Variants in FOXP2 observed in about 807,000 individuals in gnomAD.
FOXP2 encodes forkhead box P2.
FOXP2 carries 12 observed loss-of-function variants against 115.8 expected under a neutral mutation model. The ratio of observed to expected loss-of-function variants is 0.10; its 90% CI spans 0.07 to 0.17. The LOEUF is 0.17. Among genes scored for constraint, FOXP2 ranks in the 10% least tolerant of loss-of-function variants. The pLI is 1.00. For synonymous variants in FOXP2, 328 were observed against 297.7 expected, an observed-to-expected ratio of 1.10 and a Z score of -1.05; for missense variants, 629 against 843.5, an observed-to-expected ratio of 0.75 and a Z score of 3.15.
intron 3 of FOXP2, among the ~76,000 whole-genome samples, chr7:114,617,346 A>G (rs1342199546): frequency 6.6e-6 from 1 of 152,098 alleles, no homozygotes; most frequent in Middle Eastern, 3.2e-3. Context: ...CATCTCTCAA[A>G]TGCTCCCTTC....
intron 3 of FOXP2, among the ~76,000 whole-genome samples, chr7:114,605,543 G>A (rs1395477844): frequency 2.0e-5 from 3 of 152,106 alleles, no homozygotes; most frequent in African/African-American, 7.2e-5. Context: ...TTAAAGTAAG[G>A]GGATAGTAGA....
At chr7:114,093,594 A>G (rs1799584482) in intron 1 of FOXP2, among the ~76,000 whole-genome samples, 1 of 151,650 alleles carries the variant, frequency 6.6e-6, no homozygotes, top group African/African-American at 2.4e-5. Flanking sequence ...ACTTCCATCT[A>G]TATCATTGCA....
intron 1 of FOXP2, among the ~76,000 whole-genome samples, chr7:114,097,006 T>G: frequency 7.8e-6 from 1 of 127,926 alleles, no homozygotes; most frequent in East Asian, 1.9e-4. Context: ...CTTTGATTAC[T>G]TTATTGTAGA....
chr7:114,614,341 A>G (rs1199850316), intron 3 of FOXP2, among the ~76,000 whole-genome samples: 1 of 152,204 alleles, frequency 6.6e-6, no homozygotes, highest in Non-Finnish European at 1.5e-5. Flanking sequence ...ATTTTCTACC[A>G]ACTGTAGTAC....
At chr7:114,177,813 C>A (rs920308236) in intron 1 of FOXP2, among the ~76,000 whole-genome samples, 1 of 151,826 alleles carries the variant, frequency 6.6e-6, no homozygotes, top group Non-Finnish European at 1.5e-5. Flanking sequence ...ATGGTGAGAA[C>A]ACTTAAAACC....
chr7:114,595,224 T>C (rs1802634255), intron 3 of FOXP2, among the ~76,000 whole-genome samples: 1 of 152,068 alleles, frequency 6.6e-6, no homozygotes, highest in South Asian at 2.1e-4. Flanking sequence ...TTAATTATAA[T>C]ACTCTTTTGC....
intron 1 of FOXP2, among the ~76,000 whole-genome samples, chr7:114,272,087 ATATT>A (rs1298683531): frequency 2.1e-5 from 3 of 144,772 alleles, no homozygotes; most frequent in Non-Finnish European, 4.5e-5. Context: ...TATAATATAT[ATATT>A]TAAATCATGA....
Position 114,629,930 on chromosome 7 carries a change from A to ACAGCAGCAACAACAGCAG in FOXP2, c.531_548dup (p.Gln186_Gln191dup). The ACAGCAGCAACAACAGCAG allele has an allele frequency of 6.3e-7, 1 of 1,596,660 alleles. No homozygotes were observed. The highest frequency in any genetic ancestry group is 1.1e-5 in the South Asian group (1 of 90,434). ...AACAGCAGCAGCAACAACAACAACA[A>ACAGCAGCAACAACAGCAG]CAGCAGCAACAACAGCAGCAGCAGC... On this transcript the variant is annotated inframe_insertion, in exon 5 of 17. Transcript: ENST00000350908.
At chr7:114,126,081 T>C (rs969272200) in intron 1 of FOXP2, among the ~76,000 whole-genome samples, 1 of 152,086 alleles carries the variant, frequency 6.6e-6, no homozygotes, top group Non-Finnish European at 1.5e-5. Context: ...AAGCTTAAAA[T>C]ATAGTGGGAT....
intron 2 of FOXP2, among the ~76,000 whole-genome samples, chr7:114,490,522 T>A (rs1232940915): frequency 1.3e-5 from 2 of 152,052 alleles, no homozygotes; most frequent in African/African-American, 2.4e-5. Context: ...TTTTTTTTTA[T>A]ACTTTAAGTT....
At chr7:114,562,333 C>T (rs2129291605) in intron 3 of FOXP2, among the ~76,000 whole-genome samples, 1 of 152,304 alleles carries the variant, frequency 6.6e-6, no homozygotes, top group African/African-American at 2.4e-5. Flanking sequence ...AGTCTCTAGA[C>T]ACCTTACTCT....
intron 1 of FOXP2, among the ~76,000 whole-genome samples, chr7:114,230,196 AAC>A (rs1794839422): frequency 6.6e-6 from 1 of 151,924 alleles, no homozygotes; most frequent in African/African-American, 2.4e-5. Flanking sequence ...AAAAAATCAA[AAC>A]AGAGTTATAA....
At position 114,642,642 on chromosome 7, in the gene FOXP2, A is replaced by G. The variant is rs1305263093; in HGVS notation, c.989+19A>G. 6.3e-7 allele frequency: 1 copy of G among 1,599,510 alleles called. No individual in the cohort carries two copies. The highest frequency in any genetic ancestry group is 1.3e-5 in the African/African-American group (1 of 74,630). ...GAGACAGGTAAATCTCATGAGCTTT[A>G]TTCTATATTTATCTATTTTCAGATT... On this transcript the variant is annotated intron_variant, in intron 7 of 16. Transcript: ENST00000350908.
chr7:114,284,692 C>A (rs545870080), intron 1 of FOXP2, among the ~76,000 whole-genome samples: 10 of 152,236 alleles, frequency 6.6e-5, no homozygotes, highest in African/African-American at 2.4e-4. Flanking sequence ...TTCAACACAG[C>A]AATCCTGTTA....
chr7:114,232,946 T>C (rs1794921798), intron 1 of FOXP2, among the ~76,000 whole-genome samples: 1 of 152,326 alleles, frequency 6.6e-6, no homozygotes, highest in African/African-American at 2.4e-5. Flanking sequence ...ATTCCTCTTA[T>C]ATGAGGTATC....
intron 2 of FOXP2, among the ~76,000 whole-genome samples, chr7:114,314,212 G>A (rs1797218477): frequency 6.7e-6 from 1 of 150,156 alleles, no homozygotes; most frequent in Admixed American, 6.7e-5. Context: ...TAATGAAACA[G>A]CATTATATTT....
intron 1 of FOXP2, among the ~76,000 whole-genome samples, chr7:114,261,356 T>C (rs528168473): frequency 3.9e-5 from 6 of 152,346 alleles, no homozygotes; most frequent in Non-Finnish European, 7.4e-5. Flanking sequence ...TGTACTTCAA[T>C]ATTGTATAAA....
chr7:114,628,217 A>G (rs1204397989), intron 3 of FOXP2, among the ~76,000 whole-genome samples: 2 of 152,158 alleles, frequency 1.3e-5, no homozygotes, highest in Admixed American at 6.5e-5. Context: ...GAGATGATCA[A>G]TTATGAAATA....
intron 2 of FOXP2, among the ~76,000 whole-genome samples, chr7:114,527,088 T>A (rs936489793): frequency 1.3e-5 from 2 of 152,070 alleles, no homozygotes; most frequent in African/African-American, 4.8e-5. Context: ...TGACTTTTTT[T>A]ATTTAGCATA....
Sources: allele counts gnomAD v4.1 joint callset (sites outside exome capture counted in the v4.1 genomes callset), GRCh38; gene constraint gnomAD v4.1.1; transcripts MANE v1.5; gene names NCBI Gene and HGNC (gene_info 2026-07-23, HGNC 2026-07-21).